Variants in ACAD9 observed in about 807,000 individuals in gnomAD.
ACAD9 encodes acyl-CoA dehydrogenase family member 9.
ACAD9 carries 53 observed loss-of-function variants against 70.2 expected under a neutral mutation model. The observed-to-expected ratio is 0.75, with a 90% CI of 0.61 to 0.95. ACAD9 has a LOEUF of 0.95. Among genes scored for constraint, ACAD9 ranks in the 40% least tolerant of loss-of-function variants. The pLI is 0.00. For synonymous variants in ACAD9, 313 were observed against 312.1 expected (o/e 1.00, Z -0.03); for missense variants, 777 against 802.8 (o/e 0.97, Z 0.39).
At chr3:128,903,025 C>T (rs988861883) in intron 9 of ACAD9, among the ~76,000 whole-genome samples, 1 of 152,122 alleles carries the variant, frequency 6.6e-6, no homozygotes, top group African/African-American at 2.4e-5. Context: ...TCCGTGCCTC[C>T]TGGGTGACTC....
At chr3:128,903,766 G>C (rs1303680672) in intron 9 of ACAD9, among the ~76,000 whole-genome samples, 1 of 152,226 alleles carries the variant, frequency 6.6e-6, no homozygotes, top group Non-Finnish European at 1.5e-5. Flanking sequence ...TGAGGTGGGG[G>C]TGGTGTTCAG....
Position 128,902,557 on chromosome 3 carries a change from C to T in ACAD9, c.887C>T (p.Ala296Val). 6.2e-7 allele frequency: 1 copy of T among 1,614,170 alleles called. No individual in the cohort carries two copies. Among genetic ancestry groups the T allele is most frequent in the Non-Finnish European group, 8.5e-7 (1 of 1,179,994 alleles). The stretch of plus-strand genomic sequence containing the variant: ...CTCTCCCTGTTCTCCCTGCAGGTGG[C>T]CATGAACATCCTCAACAGCGGCCGG... ...LGEVGDGFKV[A>V]MNILNSGRFS... is the part of the protein sequence containing the mutation. The change falls in exon 9 of 18, where the codon GCC becomes GTC. Residue 296 changes from alanine (A) to valine (V), a missense_variant. Ala to Val is a moderately conservative substitution (Grantham distance 64). Transcript: ENST00000308982. The surrounding 1 kb of genome is among the most constrained non-coding windows in gnomAD (Gnocchi z 4.0).
chr3:128,895,329 C>T lies in ACAD9; in HGVS notation c.366C>T (p.Asn122=), dbSNP rs1935539638. Residue 122 remains asparagine (N), a synonymous_variant, in exon 4 of 18, where the codon AAC becomes AAT. Coordinates refer to ENST00000308982, the MANE Select transcript of ACAD9 (RefSeq NM_014049.5). ...PEEYGGLGFS[N]TMYSRLGEII... is the part of the protein sequence containing the mutation. Reference sequence around the variant, plus strand: ...TCCTAGGTGGCCTGGGCTTCTCCAACACCATGTACTCAAGACTAGGGGAGA... The same window carrying T: ...TCCTAGGTGGCCTGGGCTTCTCCAATACCATGTACTCAAGACTAGGGGAGA... The T allele has an allele frequency of 6.2e-7, 1 of 1,612,406 alleles. No individual in the cohort carries two copies. Among genetic ancestry groups the T allele is most frequent in the Non-Finnish European group, 8.5e-7 (1 of 1,179,348 alleles).
Position 128,899,431 on chromosome 3 carries a change from G to A in ACAD9, c.778G>A (p.Glu260Lys), listed in dbSNP as rs199504238. 4.0e-5 allele frequency: 65 copies of A among 1,614,060 alleles called. No individual in the cohort carries two copies. Among genetic ancestry groups the A allele is most frequent in the East Asian group, 2.2e-4 (10 of 44,896 alleles). ...TGGTGGAGTCACTAATGGGAAACCCGAAGATAAATTAGGCATTCGGGGCTC... is the reference window on the plus strand; with the variant it reads ...TGGTGGAGTCACTAATGGGAAACCCAAAGATAAATTAGGCATTCGGGGCTC... Reference protein sequence around the residue: ...DFGGVTNGKPEDKLGIRGSNT... With the variant: ...DFGGVTNGKPKDKLGIRGSNT... Residue 260 changes from glutamate to lysine, a missense_variant, in exon 7 of 18, where the codon GAA becomes AAA. Coordinates refer to ENST00000308982, the MANE Select transcript of ACAD9 (RefSeq NM_014049.5).
Position 128,908,883 on chromosome 3 carries a change from C to T in ACAD9, c.1359-90C>T, listed in dbSNP as rs527627413. 5.2e-5 allele frequency: 84 copies of T among 1,603,086 alleles called. No homozygotes were observed. The African/African-American group carries it at 5.5e-4, about 10-fold the overall frequency. On this transcript the variant is annotated intron_variant, in intron 13 of 17. Coordinates refer to ENST00000308982, the MANE Select transcript of ACAD9 (RefSeq NM_014049.5). The stretch of plus-strand genomic sequence containing the variant: ...AGCATACCCAGGCCAGAGGGGGGCA[C>T]GGAGCTTCTGGGTGCCGAATGGGCC...
chr3:128,883,217 G>A (rs1012773492), intron 1 of ACAD9, among the ~76,000 whole-genome samples: 1 of 151,900 alleles, frequency 6.6e-6, no homozygotes, highest in African/African-American at 2.4e-5. Context: ...AGCCTCCTGA[G>A]TAGCTGGAAC....
At chr3:128,910,454 C>A in intron 16 of ACAD9, 1 of 947,964 alleles carries the variant, frequency 1.1e-6, no homozygotes, top group African/African-American at 1.7e-5. Context: ...CTCTGAGGAC[C>A]CACTGTATAC....
chr3:128,891,587 C>CTCCAT (rs1233091230), intron 2 of ACAD9, among the ~76,000 whole-genome samples: 9 of 152,306 alleles, frequency 5.9e-5, no homozygotes, highest in Admixed American at 2.0e-4. Context: ...CATCACTGTA[C>CTCCAT]TCCAGCTTGG....
intron 16 of ACAD9, chr3:128,910,480 C>T: frequency 1.2e-6 from 1 of 843,382 alleles, no homozygotes. Context: ...TCTCTGCCTG[C>T]ACTTTCCAGA....
chr3:128,906,433 G>A (rs1184296921), intron 12 of ACAD9, among the ~76,000 whole-genome samples, 184 bp downstream of exon 12: 2 of 152,214 alleles, frequency 1.3e-5, no homozygotes, highest in Admixed American at 6.5e-5. Context: ...CAAGCCTGAG[G>A]AGTCAGTTCA....
At position 128,899,332 on chromosome 3, in the gene ACAD9, G is replaced by C. The variant is rs760642488; in HGVS notation, c.679G>C (p.Ala227Pro). The stretch of plus-strand genomic sequence containing the variant: ...ACTGGCCAATATTTTTACTGTGTTT[G>C]CAAAGACTGAGGTCGTTGATTCTGA... ...GGLANIFTVFAKTEVVDSDGS... is the reference protein window; with the variant it reads ...GGLANIFTVFPKTEVVDSDGS... Residue 227 changes from alanine to proline, a missense_variant, in exon 7 of 18, where the codon GCA (alanine) becomes CCA (proline). By Grantham distance (27) the Ala-to-Pro change is conservative (BLOSUM62 -1). Transcript: ENST00000308982. 1 of 1,614,250 alleles carries C rather than the reference G, an allele frequency of 6.2e-7. No homozygotes were observed. Among genetic ancestry groups the C allele is most frequent in the South Asian group, 1.1e-5 (1 of 91,082 alleles).
chr3:128,903,269 T>C (rs796551324), intron 9 of ACAD9, among the ~76,000 whole-genome samples: 52 of 152,364 alleles, frequency 3.4e-4, no homozygotes, highest in African/African-American at 1.2e-3. Context: ...TGCCAGGCTC[T>C]GGGCCTGTTT....
chr3:128,880,366 T>C (rs1935053210), intron 1 of ACAD9, among the ~76,000 whole-genome samples: 1 of 152,222 alleles, frequency 6.6e-6, no homozygotes, highest in Non-Finnish European at 1.5e-5. Context: ...CATTGTCTTC[T>C]TAGAGTTGGA....
chr3:128,912,449 A>G (rs557269515), intron 17 of ACAD9, 58 bp from the exon 18 acceptor site: 2 of 1,512,984 alleles, frequency 1.3e-6, no homozygotes, highest in Non-Finnish European at 1.8e-6. Flanking sequence ...CACTTCAGCC[A>G]TGTTTGTCTT....
intron 7 of ACAD9, 89 bp from the exon 8 acceptor site, chr3:128,901,187 G>A (rs1477748494): frequency 8.4e-7 from 1 of 1,190,576 alleles, no homozygotes. Context: ...TGGATGGATG[G>A]ATGGATGGAT....
intron 5 of ACAD9, 62 bp from the exon 6 acceptor site, chr3:128,897,570 C>T: frequency 1.3e-6 from 2 of 1,519,268 alleles, no homozygotes; most frequent in South Asian, 1.2e-5. Flanking sequence ...TTTTCAGGCC[C>T]TCAAAAGCAT....
At chr3:128,892,570 G>T (rs1038204277) in intron 2 of ACAD9, among the ~76,000 whole-genome samples, 2 of 152,242 alleles carry the variant, frequency 1.3e-5, no homozygotes, top group African/African-American at 4.8e-5. Context: ...TCACTCTGTC[G>T]CTCAGGCTGG....
At chr3:128,895,837 G>T (rs765210725) in intron 4 of ACAD9, among the ~76,000 whole-genome samples, 3 of 152,172 alleles carry the variant, frequency 2.0e-5, no homozygotes, top group Non-Finnish European at 2.9e-5. Context: ...GCCCTTACTG[G>T]CAATCTCATT....
chr3:128,896,429 TG>T lies in ACAD9; in HGVS notation c.454-6del. 1 of 1,614,078 alleles carries T rather than the reference TG, an allele frequency of 6.2e-7. No homozygotes were observed. ...AGCTGACATTAGTCTGTGTCTGTTT[TG>T]TTTAGGGGATCATCTTGGCTGGCAC... On this transcript the variant is annotated splice_region_variant and splice_polypyrimidine_tract_variant and intron_variant, in intron 4 of 17. Transcript: ENST00000308982.
Sources: allele counts gnomAD v4.1 joint callset (sites outside exome capture counted in the v4.1 genomes callset), GRCh38; gene constraint gnomAD v4.1.1; non-coding constraint Gnocchi (gnomAD v3.1); transcripts MANE v1.5; gene names NCBI Gene and HGNC (gene_info 2026-07-23, HGNC 2026-07-21).